CDH12: variants seen among roughly 807,000 people sequenced by gnomAD.
The protein encoded by CDH12 is cadherin 12, also known as cadherin-12.
CDH12 carries 41 observed loss-of-function variants against 74.1 expected under a neutral mutation model. The ratio of observed to expected loss-of-function variants is 0.55; its 90% confidence interval spans 0.43 to 0.72. The LOEUF (loss-of-function observed/expected upper bound fraction) is 0.72, where lower values mean the gene tolerates loss of function less well. Among genes scored for constraint, CDH12 ranks in the 30% least tolerant of loss-of-function variants. The pLI is 0.00. For synonymous variants in CDH12, 399 were observed against 355.0 expected, an observed-to-expected ratio of 1.12 and a Z score of -1.39; for missense variants, 945 against 977.2, an observed-to-expected ratio of 0.97 and a Z score of 0.44.
chr5:22,461,030 CTTT>C (rs34555692), intron 2 of CDH12, among the ~76,000 whole-genome samples: 2 of 63,556 alleles, frequency 3.1e-5, no homozygotes, highest in South Asian at 6.1e-4. Flanking sequence ...CAATGTCTAG[CTTT>C]TTTTTTTTTT....
At chr5:22,291,452 T>C (rs754389797) in intron 3 of CDH12, among the ~76,000 whole-genome samples, 1 of 152,170 alleles carries the variant, frequency 6.6e-6, no homozygotes, top group Non-Finnish European at 1.5e-5. Flanking sequence ...TAATTTTATA[T>C]GTAGAAAACT....
intron 1 of CDH12, among the ~76,000 whole-genome samples, chr5:22,823,034 A>C (rs1028106838): frequency 3.5e-4 from 54 of 152,228 alleles, no homozygotes; most frequent in African/African-American, 7.5e-4. Context: ...ACATATACAC[A>C]ATGGAATACT....
chr5:22,648,551 G>A (rs1222822445), intron 1 of CDH12, among the ~76,000 whole-genome samples: 1 of 151,754 alleles, frequency 6.6e-6, no homozygotes, highest in Non-Finnish European at 1.5e-5. Context: ...GTTCTCTACC[G>A]ATATCCCTTC....
chr5:21,797,942 C>A (rs988678010), intron 10 of CDH12, among the ~76,000 whole-genome samples: 7 of 152,070 alleles, frequency 4.6e-5, no homozygotes, highest in Middle Eastern at 3.2e-3. Flanking sequence ...ATAGCATGTT[C>A]TCTACTCTAG....
chr5:21,992,038 T>C (rs568682924), intron 5 of CDH12, among the ~76,000 whole-genome samples: 221 of 152,158 alleles, frequency 1.5e-3, no homozygotes, highest in Non-Finnish European at 2.8e-3. Flanking sequence ...AGAAATGCAG[T>C]AAGTTACATC....
intron 6 of CDH12, among the ~76,000 whole-genome samples, chr5:21,926,868 T>C (rs1417270185): frequency 6.6e-6 from 1 of 152,164 alleles, no homozygotes; most frequent in Non-Finnish European, 1.5e-5. Context: ...TTGTTTTCAC[T>C]ATAAAAAATG....
chr5:21,841,586 T>C (rs1749855355), intron 8 of CDH12, among the ~76,000 whole-genome samples: 1 of 149,408 alleles, frequency 6.7e-6, no homozygotes, highest in Non-Finnish European at 1.5e-5. Context: ...CTATTCACAA[T>C]AGCAAAGACT....
intron 3 of CDH12, among the ~76,000 whole-genome samples, chr5:22,219,960 A>T (rs1003844566): frequency 2.0e-5 from 3 of 151,748 alleles, no homozygotes; most frequent in Non-Finnish European, 3.0e-5. Flanking sequence ...CAACATATAA[A>T]CTATGTATAC....
chr5:22,218,596 G>T (rs1014735724), intron 3 of CDH12, among the ~76,000 whole-genome samples: 3 of 151,742 alleles, frequency 2.0e-5, no homozygotes, highest in Non-Finnish European at 3.0e-5. Flanking sequence ...AGAAATTGCA[G>T]AGGTCACAAG....
intron 1 of CDH12, among the ~76,000 whole-genome samples, chr5:22,714,917 G>T (rs1470300620): frequency 6.6e-6 from 1 of 152,186 alleles, no homozygotes; most frequent in Admixed American, 6.5e-5. Flanking sequence ...ACACTTTTTA[G>T]ATGGAATACT....
At chr5:21,831,870 T>C (rs1749042178) in intron 8 of CDH12, among the ~76,000 whole-genome samples, 1 of 152,078 alleles carries the variant, frequency 6.6e-6, no homozygotes, top group African/African-American at 2.4e-5. Context: ...CATATTTGAG[T>C]TGTATGGTAG....
intron 3 of CDH12, among the ~76,000 whole-genome samples, chr5:22,359,396 T>C (rs1311962594): frequency 6.6e-6 from 1 of 152,156 alleles, no homozygotes; most frequent in African/African-American, 2.4e-5. Context: ...TAAATACATA[T>C]GCACCCAATA....
intron 2 of CDH12, among the ~76,000 whole-genome samples, chr5:22,480,193 T>C (rs1746329694): frequency 6.6e-6 from 1 of 152,162 alleles, no homozygotes; most frequent in Non-Finnish European, 1.5e-5. Context: ...CTCCCTAAGT[T>C]ATTTTTAGGA....
At chr5:22,311,013 T>C (rs1738365177) in intron 3 of CDH12, among the ~76,000 whole-genome samples, 1 of 152,168 alleles carries the variant, frequency 6.6e-6, no homozygotes, top group African/African-American at 2.4e-5. Context: ...GTAATACCTT[T>C]ACTTTACTGC....
At chr5:21,833,292 TAATA>T (rs1749286508) in intron 8 of CDH12, among the ~76,000 whole-genome samples, 1 of 56,924 alleles carries the variant, frequency 1.8e-5, no homozygotes, top group Non-Finnish European at 2.5e-5. Flanking sequence ...ATATAACATA[TAATA>T]TATATTATAT....
intron 1 of CDH12, among the ~76,000 whole-genome samples, chr5:22,585,055 C>T (rs1740313106): frequency 6.6e-6 from 1 of 152,170 alleles, no homozygotes; most frequent in Non-Finnish European, 1.5e-5. Flanking sequence ...GACCTCTCTC[C>T]TATTCAGTAT....
chr5:22,683,127 C>T (rs914707188), intron 1 of CDH12, among the ~76,000 whole-genome samples: 1 of 152,130 alleles, frequency 6.6e-6, no homozygotes, highest in Non-Finnish European at 1.5e-5. Context: ...AAACAGACAG[C>T]ACTTATTGGA....
intron 1 of CDH12, among the ~76,000 whole-genome samples, chr5:22,603,636 C>A (rs1736955446): frequency 6.6e-6 from 1 of 152,048 alleles, no homozygotes; most frequent in East Asian, 1.9e-4. Flanking sequence ...AGAAATGGTC[C>A]AAGGGGGAGG....
intron 3 of CDH12, among the ~76,000 whole-genome samples, chr5:22,329,393 A>G (rs1374783156): frequency 6.6e-6 from 1 of 152,162 alleles, no homozygotes; most frequent in Admixed American, 6.5e-5. Flanking sequence ...TCAATCTCCG[A>G]CCACCCTGAG....
Sources: gnomAD v4.1 joint callset for allele counts (sites outside exome capture counted in the v4.1 genomes callset) on GRCh38, gnomAD v4.1.1 for gene constraint, MANE v1.5 for transcripts, NCBI Gene and HGNC (gene_info 2026-07-23, HGNC 2026-07-21) for gene names.